RGS20: variants seen among roughly 807,000 people sequenced by gnomAD.
RGS20 encodes gz-selective GTPase-activating protein.
A neutral mutation model predicts 33.6 loss-of-function variants in RGS20; 30 were observed. That is an observed-to-expected ratio of 0.89 (90% confidence interval 0.67 to 1.21). The LOEUF (loss-of-function observed/expected upper bound fraction) is 1.21. Among genes scored for constraint, RGS20 ranks in the 50% most tolerant of loss-of-function variants. The pLI is 0.00. For missense variants in RGS20, 472 were observed against 502.4 expected (o/e 0.94, Z 0.58); for synonymous variants, 208 against 197.9 (o/e 1.05, Z -0.43).
intron 1 of RGS20, among the ~76,000 whole-genome samples, chr8:53,871,936 C>G (rs73680339): frequency 9.2e-5 from 14 of 152,220 alleles, no homozygotes; most frequent in Admixed American, 8.5e-4. Flanking sequence ...GACTCCCACC[C>G]AGACCTCCCT....
At chr8:53,866,226 G>C (rs1434439024) in intron 1 of RGS20, among the ~76,000 whole-genome samples, 1 of 152,154 alleles carries the variant, frequency 6.6e-6, no homozygotes, top group Non-Finnish European at 1.5e-5. Flanking sequence ...GGTGCTTTGA[G>C]TACCAAGGAA....
chr8:53,886,671 T>C (rs1288145289), intron 2 of RGS20, among the ~76,000 whole-genome samples: 1 of 152,196 alleles, frequency 6.6e-6, no homozygotes, highest in Non-Finnish European at 1.5e-5. Context: ...CGTCCAACAG[T>C]GAAGGAGTGG....
chr8:53,925,335 G>A (rs1813761240), intron 2 of RGS20, among the ~76,000 whole-genome samples: 1 of 152,050 alleles, frequency 6.6e-6, no homozygotes, highest in South Asian at 2.1e-4. Context: ...TAGCTTTTTG[G>A]ATGGAAGTGA....
chr8:53,883,305 G>A (rs1812449975), intron 2 of RGS20, among the ~76,000 whole-genome samples: 1 of 151,888 alleles, frequency 6.6e-6, no homozygotes, highest in African/African-American at 2.4e-5. Flanking sequence ...TGGGATTACA[G>A]GCATGCGCCA....
At chr8:53,900,245 G>C (rs773142529) in intron 2 of RGS20, among the ~76,000 whole-genome samples, 2 of 152,062 alleles carry the variant, frequency 1.3e-5, no homozygotes. Flanking sequence ...GGGCTCAAAC[G>C]ATCCTCCCAC....
chr8:53,887,224 G>C (rs1026579308), intron 2 of RGS20: 3 of 160,992 alleles, frequency 1.9e-5, no homozygotes, highest in African/African-American at 7.2e-5. Context: ...AGTCGTGTAA[G>C]ATTTCTTCCT....
In RGS20 at chr8:53,901,870, A is replaced by G. The variant is rs375024874; in HGVS notation, c.510+22268A>G. Among the ~76,000 whole-genome samples the G allele has an allele frequency of 3.4e-3, 523 of 152,274 alleles. 34 individuals carry two copies. The South Asian group carries it at 0.11, about 31-fold the overall frequency. On this transcript the variant is annotated intron_variant, in intron 2 of 5. Coordinates refer to ENST00000297313, the MANE Select transcript of RGS20 (RefSeq NM_170587.4). ...GAGACCCTGTCCCTTAAAAAAGGAA[A>G]ACATTATAGAGATAGAATAGAATGC... is the stretch of plus-strand genomic sequence containing the variant.
chr8:53,957,032 C>G (rs1291637673), intron 5 of RGS20, among the ~76,000 whole-genome samples: 6 of 152,150 alleles, frequency 3.9e-5, no homozygotes, highest in African/African-American at 1.4e-4. Flanking sequence ...AAGACATTAC[C>G]ATCATCATCA....
At chr8:53,896,407 A>G (rs181115525) in intron 2 of RGS20, among the ~76,000 whole-genome samples, 11 of 152,328 alleles carry the variant, frequency 7.2e-5, no homozygotes, top group Non-Finnish European at 1.3e-4. Context: ...TTTGTGATAT[A>G]GAGGCAGAAT....
intron 2 of RGS20, among the ~76,000 whole-genome samples, chr8:53,919,276 C>G (rs566431206): frequency 7.9e-5 from 12 of 151,754 alleles, no homozygotes; most frequent in Non-Finnish European, 1.5e-4. Flanking sequence ...TTTATACATC[C>G]TGGATACAAG....
chr8:53,875,025 C>T (rs372677715), intron 1 of RGS20, among the ~76,000 whole-genome samples: 9 of 152,240 alleles, frequency 5.9e-5, no homozygotes, highest in East Asian at 1.9e-4. Flanking sequence ...TGATGTTTTT[C>T]GCCTGAACAA....
intron 2 of RGS20, among the ~76,000 whole-genome samples, chr8:53,937,183 C>A (rs920218127): frequency 3.9e-5 from 6 of 151,908 alleles, no homozygotes; most frequent in Admixed American, 6.6e-5. Flanking sequence ...AGGAGATATA[C>A]CTAATGTAAA....
At chr8:53,888,771 C>A (rs1812618754) in intron 2 of RGS20, among the ~76,000 whole-genome samples, 1 of 152,220 alleles carries the variant, frequency 6.6e-6, no homozygotes, top group Non-Finnish European at 1.5e-5. Context: ...TAACTTTTTT[C>A]ACCATATACC....
chr8:53,898,147 A>G (rs1812920127), intron 2 of RGS20, among the ~76,000 whole-genome samples: 1 of 152,146 alleles, frequency 6.6e-6, no homozygotes, highest in Non-Finnish European at 1.5e-5. Context: ...CCCCCTGGCT[A>G]TAATTCCCTG....
chr8:53,919,347 T>TTC (rs1297997154), intron 2 of RGS20, among the ~76,000 whole-genome samples: 1 of 117,200 alleles, frequency 8.5e-6, no homozygotes, highest in African/African-American at 5.7e-5. Context: ...GTCTTTTCAC[T>TTC]TTTTTTTTTT....
intron 3 of RGS20, among the ~76,000 whole-genome samples, chr8:53,946,393 A>G (rs1366546301): frequency 6.6e-6 from 1 of 152,072 alleles, no homozygotes; most frequent in African/African-American, 2.4e-5. Context: ...GAATGTTTTT[A>G]TTTAAAAAAT....
chr8:53,881,622 C>T (rs1812387258), intron 2 of RGS20, among the ~76,000 whole-genome samples: 1 of 152,008 alleles, frequency 6.6e-6, no homozygotes, highest in African/African-American at 2.4e-5. Context: ...GGCAGGGGCA[C>T]CGAGGGGCAG....
intron 2 of RGS20, among the ~76,000 whole-genome samples, chr8:53,928,246 T>A (rs60699716): frequency 0.053 from 8,050 of 152,176 alleles, 647 homozygotes; most frequent in African/African-American, 0.17. Context: ...CACTTTTAGT[T>A]CCCCTCAGGC....
intron 2 of RGS20, among the ~76,000 whole-genome samples, chr8:53,882,173 C>T (rs1045244660): frequency 2.6e-5 from 4 of 152,242 alleles, no homozygotes; most frequent in South Asian, 2.1e-4. Flanking sequence ...GGTTTGCGTG[C>T]GCTGCGGCCC....
Sources: allele counts gnomAD v4.1 joint callset (sites outside exome capture counted in the v4.1 genomes callset), GRCh38; gene constraint gnomAD v4.1.1; transcripts MANE v1.5; gene names NCBI Gene and HGNC (gene_info 2026-07-23, HGNC 2026-07-21).